PTPRR: variants seen among roughly 807,000 people sequenced by gnomAD.
The protein encoded by PTPRR is protein tyrosine phosphatase receptor type R.
In PTPRR, 38 loss-of-function variants were observed where a neutral mutation model predicts 77.2. The observed-to-expected ratio is 0.49, with a 90% CI of 0.38 to 0.65. The LOEUF is 0.65. Among genes scored for constraint, PTPRR ranks in the 30% least tolerant of loss-of-function variants. PTPRR has a pLI of 0.00. For missense variants in PTPRR, 744 were observed against 799.2 expected, an observed-to-expected ratio of 0.93 and a Z score of 0.83; for synonymous variants, 299 against 283.1, an observed-to-expected ratio of 1.06 and a Z score of -0.57.
chr12:70,680,122 CA>C (rs1887600891), intron 10 of PTPRR, among the ~76,000 whole-genome samples: 2 of 152,126 alleles, frequency 1.3e-5, no homozygotes, highest in African/African-American at 4.8e-5. Context: ...AAGCTGATAA[CA>C]ACTTAACTTT....
chr12:70,730,322 C>A (rs905029444), intron 6 of PTPRR, among the ~76,000 whole-genome samples: 3 of 152,094 alleles, frequency 2.0e-5, no homozygotes, highest in Non-Finnish European at 4.4e-5. Flanking sequence ...ACCTGCCTGG[C>A]CAACATGGTG....
intron 8 of PTPRR, among the ~76,000 whole-genome samples, chr12:70,693,240 T>TTAGTAACTTACAGTATTTTC (rs1241711478): frequency 1.3e-5 from 2 of 152,214 alleles, no homozygotes; most frequent in African/African-American, 2.4e-5. Flanking sequence ...ATGTTGGTAA[T>TTAGTAACTTACAGTATTTTC]TAGTAACTTA....
intron 6 of PTPRR, among the ~76,000 whole-genome samples, chr12:70,737,528 A>G (rs534055971): frequency 6.6e-6 from 1 of 150,792 alleles, no homozygotes; most frequent in African/African-American, 2.4e-5. Context: ...CTATCTATCT[A>G]TCTATCTTTC....
At chr12:70,911,652 A>G (rs1056905250) in intron 1 of PTPRR, among the ~76,000 whole-genome samples, 1 of 149,598 alleles carries the variant, frequency 6.7e-6, no homozygotes, top group African/African-American at 2.5e-5. Flanking sequence ...GCAGGGAGGT[A>G]GATATTTTCG....
At chr12:70,676,016 T>C (rs1294907849) in intron 10 of PTPRR, among the ~76,000 whole-genome samples, 1 of 151,928 alleles carries the variant, frequency 6.6e-6, no homozygotes, top group African/African-American at 2.4e-5. Flanking sequence ...TTGTGCTTTT[T>C]AGATTTTTGA....
rs1357527975 is a variant in PTPRR, at chr12:70,846,271, G to A, written c.357+46408C>T. Among the ~76,000 whole-genome samples the A allele has an allele frequency of 2.0e-5, 3 of 152,188 alleles. No individual in the cohort carries two copies. The East Asian group carries it at 5.8e-4, about 30-fold the overall frequency. Reference sequence around the variant, plus strand: ...TAGGTTCATTCAAAGACTAGATTATGAGATTACATACAAAGAAAACTCATA... The same window carrying A: ...TAGGTTCATTCAAAGACTAGATTATAAGATTACATACAAAGAAAACTCATA... On this transcript the variant is annotated intron_variant, in intron 2 of 13. Transcript: ENST00000283228.
At chr12:70,783,461 C>T (rs185581159) in intron 2 of PTPRR, among the ~76,000 whole-genome samples, 2 of 152,202 alleles carry the variant, frequency 1.3e-5, no homozygotes, top group African/African-American at 4.8e-5. Flanking sequence ...TTCTGTCCTC[C>T]TACTTTCAGC....
chr12:70,895,691 ATG>A, intron 1 of PTPRR, among the ~76,000 whole-genome samples: 1 of 151,634 alleles, frequency 6.6e-6, no homozygotes, highest in East Asian at 1.9e-4. Context: ...ATCTCTATAG[ATG>A]TAGCCTAGGA....
Position 70,652,765 on chromosome 12 carries a change from T to C in PTPRR, c.1880+3939A>G, listed in dbSNP as rs1463556374. Among the ~76,000 whole-genome samples the C allele has an allele frequency of 1.5e-4, 23 of 152,236 alleles. No individual in the cohort carries two copies. In the East Asian group the frequency reaches 2.5e-3, roughly 17 times the overall value. On this transcript the variant is annotated intron_variant, in intron 13 of 13. Coordinates refer to ENST00000283228, the MANE Select transcript of PTPRR (RefSeq NM_002849.4). The stretch of plus-strand genomic sequence containing the variant: ...AAGGAAGGAGCAGATAGAGGAGGCA[T>C]TGTGATGTGGTTTAAAAAAATGCAT...
At chr12:70,708,452 G>A (rs955572088) in intron 6 of PTPRR, among the ~76,000 whole-genome samples, 1 of 152,170 alleles carries the variant, frequency 6.6e-6, no homozygotes, top group East Asian at 1.9e-4. Flanking sequence ...TCTTGTTTAA[G>A]CATCAATAAA....
chr12:70,704,798 TAGG>T (rs1888558128), intron 6 of PTPRR, among the ~76,000 whole-genome samples: 1 of 151,966 alleles, frequency 6.6e-6, no homozygotes, highest in South Asian at 2.1e-4. Flanking sequence ...ACATAAATAA[TAGG>T]AGAACTATAC....
rs139775483 is a variant in PTPRR at position 70,728,321 on chromosome 12, G to GAT, written c.1007+17495_1007+17496dup. Among the ~76,000 whole-genome samples, 570 of 110,452 alleles carry GAT rather than the reference G, an allele frequency of 5.2e-3. 7 individuals are homozygous for GAT. The highest frequency in any genetic ancestry group is 0.018 in the African/African-American group (525 of 28,678). The allele number at this position is 110,452 out of a possible 152,430, so 72.5% of individuals were successfully genotyped here. ...ATCTCTCTCTCTCTCTCTGTCTCTA[G>GAT]ATATATATATATGGCAAATATTCCA... On this transcript the variant is annotated intron_variant, in intron 6 of 13. Coordinates refer to ENST00000283228, the MANE Select transcript of PTPRR (RefSeq NM_002849.4).
intron 2 of PTPRR, among the ~76,000 whole-genome samples, chr12:70,776,262 A>T (rs1283360715): frequency 1.3e-5 from 2 of 152,130 alleles, no homozygotes; most frequent in Non-Finnish European, 2.9e-5. Context: ...AGTTCTGTCT[A>T]TTCTACCTGC....
chr12:70,781,784 C>T (rs1017261928), intron 2 of PTPRR, among the ~76,000 whole-genome samples: 14 of 152,106 alleles, frequency 9.2e-5, no homozygotes, highest in Non-Finnish European at 1.6e-4. Context: ...TTCATTTTTT[C>T]CCCATAGTTT....
At chr12:70,701,414 G>A in intron 6 of PTPRR, 91 bp from the exon 7 acceptor site, 2 of 1,143,704 alleles carry the variant, frequency 1.7e-6, no homozygotes, top group Non-Finnish European at 2.5e-6. Context: ...AATTCAGTGA[G>A]AACTTTTACA....
intron 2 of PTPRR, among the ~76,000 whole-genome samples, chr12:70,877,515 G>T (rs1311218377): frequency 6.6e-6 from 1 of 152,106 alleles, no homozygotes; most frequent in Non-Finnish European, 1.5e-5. Flanking sequence ...ATTCACAATT[G>T]CTTCAAAGAG....
rs539103099 is a variant in PTPRR, at chr12:70,654,618, C to T, written c.1880+2086G>A. On this transcript the variant is annotated intron_variant, in intron 13 of 13. Transcript: ENST00000283228. ...GGGCTGAAGCTCAAGGGAATCAATG[C>T]CTGTGTCCCTCTTTGTTTTATTACT... is the stretch of plus-strand genomic sequence containing the variant. Among the ~76,000 whole-genome samples, 4 of 152,170 alleles carry T rather than the reference C, an allele frequency of 2.6e-5. No homozygotes were observed. The South Asian group carries it at 8.3e-4, about 31-fold the overall frequency.
chr12:70,657,540 C>T (rs1048256740), intron 12 of PTPRR, among the ~76,000 whole-genome samples: 2 of 152,136 alleles, frequency 1.3e-5, no homozygotes, highest in South Asian at 4.1e-4. Context: ...CAGTTTTAAC[C>T]ACTAACAGTC....
At chr12:70,920,237 G>C in intron 1 of PTPRR, 96 bp downstream of exon 1, 1 of 1,345,572 alleles carries the variant, frequency 7.4e-7, no homozygotes, top group Non-Finnish European at 1.0e-6. Flanking sequence ...TTTTAGAAAG[G>C]CTTTCTTCGC....
Sources: gnomAD v4.1 joint callset for allele counts (sites outside exome capture counted in the v4.1 genomes callset) on GRCh38, gnomAD v4.1.1 for gene constraint, MANE v1.5 for transcripts, NCBI Gene and HGNC (gene_info 2026-07-23, HGNC 2026-07-21) for gene names.